The following NKAIN3 variants were observed in gnomAD, a reference collection of about 807,000 sequenced individuals.
NKAIN3 encodes sodium/potassium-transporting ATPase subunit beta-1-interacting protein 3.
A neutral mutation model predicts 30.2 loss-of-function variants in NKAIN3; 25 were observed. The observed-to-expected ratio is 0.83, with a 90% CI of 0.60 to 1.16. The LOEUF is 1.16. Among genes scored for constraint, NKAIN3 ranks in the 50% most tolerant of loss-of-function variants. NKAIN3 has a pLI of 0.00. For synonymous variants in NKAIN3, 91 were observed against 89.6 expected (o/e 1.02, Z -0.09); for missense variants, 225 against 254.1 (o/e 0.89, Z 0.78).
chr8:62,983,549 A>T lies in NKAIN3; in HGVS notation c.*18142A>T, dbSNP rs1824133478. ...CATTTTAATTTAGGGAGTTTAGGAG[A>T]TACATCCTAGTGTGGATTTCACATG... On this transcript the variant is annotated 3_prime_UTR_variant, in exon 7 of 7. Transcript: ENST00000623646. The T allele has an allele frequency of 6.6e-6, 1 of 152,198 alleles. No homozygotes were observed. The highest frequency in any genetic ancestry group is 6.5e-5 in the Admixed American group (1 of 15,278). The allele number at this position is 152,198 out of a possible 1,614,324, so 9.4% of individuals were successfully genotyped here.
chr8:62,818,364 C>CTTTTATCAT (rs1158165251), intron 4 of NKAIN3, among the ~76,000 whole-genome samples: 2 of 152,028 alleles, frequency 1.3e-5, no homozygotes, highest in African/African-American at 4.8e-5. Context: ...TATCAAATTG[C>CTTTTATCAT]TTTTATCATT....
chr8:62,785,330 C>T (rs544925615), intron 4 of NKAIN3, among the ~76,000 whole-genome samples: 2 of 152,230 alleles, frequency 1.3e-5, no homozygotes, highest in Middle Eastern at 3.4e-3. Flanking sequence ...CAGAAGACCA[C>T]ATGGTATATG....
chr8:62,963,501 C>A (rs182124381), intron 6 of NKAIN3, among the ~76,000 whole-genome samples: 1 of 152,196 alleles, frequency 6.6e-6, no homozygotes, highest in African/African-American at 2.4e-5. Flanking sequence ...CAAACCCTCA[C>A]TGACACTACT....
At chr8:62,577,480 T>A (rs1810149848) in intron 1 of NKAIN3, among the ~76,000 whole-genome samples, 1 of 144,610 alleles carries the variant, frequency 6.9e-6, no homozygotes, top group Non-Finnish European at 1.5e-5. Flanking sequence ...TTTTTTTGGT[T>A]TTTTTTTTTG....
At chr8:62,749,679 CTTTTTT>C (rs35908903) in intron 4 of NKAIN3, among the ~76,000 whole-genome samples, 12,443 of 97,376 alleles carry the variant, frequency 0.13, 653 homozygotes, top group African/African-American at 0.17. Context: ...TTTTTCTTTT[CTTTTTT>C]TTTTTTTTTT....
chr8:62,407,134 GA>G (rs1437665165), intron 1 of NKAIN3, among the ~76,000 whole-genome samples: 2 of 151,338 alleles, frequency 1.3e-5, no homozygotes, highest in Non-Finnish European at 2.9e-5. Flanking sequence ...GCTTACTGGA[GA>G]AAAAAGAAAG....
At chr8:62,320,539 A>T (rs1814843415) in intron 1 of NKAIN3, among the ~76,000 whole-genome samples, 1 of 152,012 alleles carries the variant, frequency 6.6e-6, no homozygotes, top group African/African-American at 2.4e-5. Flanking sequence ...TGGTGACAAA[A>T]TCTCTCAGCA....
intron 4 of NKAIN3, among the ~76,000 whole-genome samples, chr8:62,805,738 C>G (rs371803388): frequency 6.6e-6 from 1 of 152,158 alleles, no homozygotes; most frequent in South Asian, 2.1e-4. Context: ...GGACATAGGC[C>G]TGGGCAAGGA....
At chr8:62,577,695 A>AT (rs1810160628) in intron 1 of NKAIN3, among the ~76,000 whole-genome samples, 1 of 151,494 alleles carries the variant, frequency 6.6e-6, no homozygotes, top group Non-Finnish European at 1.5e-5. Flanking sequence ...TCACAAGCAG[A>AT]GACAAGCAGG....
chr8:62,778,839 CTT>C (rs1817267027), intron 4 of NKAIN3, among the ~76,000 whole-genome samples: 1 of 152,064 alleles, frequency 6.6e-6, no homozygotes, highest in Non-Finnish European at 1.5e-5. Flanking sequence ...GCCAGAATAT[CTT>C]TGAGTCTCAC....
chr8:62,855,592 T>C lies in NKAIN3; in HGVS notation c.472-62861T>C, dbSNP rs1432527126. 1.1e-5 allele frequency: 17 copies of C among 1,596,096 alleles called. 1 individual carries two copies. In the South Asian group the frequency reaches 1.3e-4, roughly 12 times the overall value. ...TATTCATTGCTTCAACCTTGGGCAA[T>C]GTCAGGTCCACTGCTTGTTCAGTCT... On this transcript the variant is annotated intron_variant, in intron 4 of 6. Transcript: ENST00000623646.
chr8:62,334,880 C>T (rs184928079), intron 1 of NKAIN3, among the ~76,000 whole-genome samples: 1 of 152,200 alleles, frequency 6.6e-6, no homozygotes, highest in Non-Finnish European at 1.5e-5. Flanking sequence ...CCTTTCCACA[C>T]ACTCTCTCTA....
At chr8:62,855,634 C>G (rs1283578197) in intron 4 of NKAIN3, 1 of 1,604,064 alleles carries the variant, frequency 6.2e-7, no homozygotes, top group African/African-American at 1.3e-5. Context: ...AATCCAAGGC[C>G]AAGGCCTCCA....
At chr8:62,295,826 T>C (rs1813808838) in intron 1 of NKAIN3, among the ~76,000 whole-genome samples, 1 of 152,180 alleles carries the variant, frequency 6.6e-6, no homozygotes, top group African/African-American at 2.4e-5. Flanking sequence ...TTCAAGAATG[T>C]TTATTGAGAA....
intron 1 of NKAIN3, among the ~76,000 whole-genome samples, chr8:62,446,240 A>G (rs773906186): frequency 2.6e-5 from 4 of 152,142 alleles, no homozygotes; most frequent in African/African-American, 9.6e-5. Context: ...AACACAAAGA[A>G]GAGATCTTAG....
chr8:62,345,598 T>C (rs1362486326), intron 1 of NKAIN3, among the ~76,000 whole-genome samples: 1 of 147,768 alleles, frequency 6.8e-6, no homozygotes, highest in Non-Finnish European at 1.5e-5. Context: ...CACACATATA[T>C]ACACATATAT....
intron 1 of NKAIN3, among the ~76,000 whole-genome samples, chr8:62,444,744 C>A (rs180740460): frequency 1.0e-3 from 152 of 152,226 alleles, no homozygotes; most frequent in African/African-American, 3.4e-3. Flanking sequence ...ATTGCTGAAT[C>A]ATGTGATAGT....
At chr8:62,384,039 C>T (rs752256636) in intron 1 of NKAIN3, among the ~76,000 whole-genome samples, 6 of 152,060 alleles carry the variant, frequency 3.9e-5, no homozygotes, top group African/African-American at 1.2e-4. Context: ...GGACTTTCAG[C>T]GTCACTCATG....
intron 3 of NKAIN3, among the ~76,000 whole-genome samples, chr8:62,715,994 T>C (rs1337768987): frequency 6.6e-6 from 1 of 152,198 alleles, no homozygotes; most frequent in Non-Finnish European, 1.5e-5. Context: ...GGCAGCATTC[T>C]TGGAGCAAGT....
Sources: gnomAD v4.1 joint callset for allele counts (sites outside exome capture counted in the v4.1 genomes callset) on GRCh38, gnomAD v4.1.1 for gene constraint, MANE v1.5 for transcripts, NCBI Gene and HGNC (gene_info 2026-07-23, HGNC 2026-07-21) for gene names.